Variants in TNNI3K observed in about 807,000 individuals in gnomAD.
TNNI3K encodes serine/threonine-protein kinase TNNI3K.
A neutral mutation model predicts 114.5 loss-of-function variants in TNNI3K; 140 were observed. The observed-to-expected ratio is 1.22, with a 90% CI of 1.07 to 1.41. The LOEUF (loss-of-function observed/expected upper bound fraction) is 1.41, where lower values mean the gene tolerates loss of function less well. Among genes scored for constraint, TNNI3K ranks in the 40% most tolerant of loss-of-function variants. TNNI3K has a pLI of 0.00. For missense variants in TNNI3K, 1,125 were observed against 1,007.6 expected (o/e 1.12, Z -1.58); for synonymous variants, 347 against 347.5 (o/e 1.00, Z 0.02).
At chr1:74,349,270 A>G (rs1004678237) in intron 9 of TNNI3K, among the ~76,000 whole-genome samples, 1 of 152,116 alleles carries the variant, frequency 6.6e-6, no homozygotes, top group Non-Finnish European at 1.5e-5. Flanking sequence ...TTCTGTTTAT[A>G]TGCTGGATTA....
chr1:74,521,657 G>C (rs1646435434), intron 23 of TNNI3K, among the ~76,000 whole-genome samples: 1 of 152,124 alleles, frequency 6.6e-6, no homozygotes, highest in Non-Finnish European at 1.5e-5. Context: ...AGGTCACAGT[G>C]ATCAGCAAGA....
intron 21 of TNNI3K, chr1:74,469,090 T>A (rs1029117982): frequency 6.6e-6 from 1 of 152,390 alleles, no homozygotes; most frequent in African/African-American, 2.4e-5. Flanking sequence ...AAATCTTAAA[T>A]TAATAACAAT....
chr1:74,512,910 C>G (rs1390000433), intron 23 of TNNI3K, among the ~76,000 whole-genome samples: 2 of 152,204 alleles, frequency 1.3e-5, no homozygotes, highest in East Asian at 3.8e-4. Context: ...ATGTGATCAC[C>G]TAAAGCTGGC....
chr1:74,470,571 G>A (rs1667877848), intron 21 of TNNI3K: 1 of 400,696 alleles, frequency 2.5e-6, no homozygotes, highest in Non-Finnish European at 4.4e-6. Flanking sequence ...TAAATGATAG[G>A]TTGTTCTTGG....
At chr1:74,534,219 ACT>A (rs1264895716) in intron 23 of TNNI3K, among the ~76,000 whole-genome samples, 1 of 107,910 alleles carries the variant, frequency 9.3e-6, no homozygotes, top group Non-Finnish European at 1.8e-5. Flanking sequence ...TTTTAATTTC[ACT>A]CTTAACTTTC....
intron 21 of TNNI3K, chr1:74,475,655 A>C (rs1668167831): frequency 2.8e-6 from 2 of 716,928 alleles, no homozygotes; most frequent in Non-Finnish European, 5.2e-6. Flanking sequence ...TGGCAGTTGC[A>C]GTATCCCTTA....
intron 5 of TNNI3K, among the ~76,000 whole-genome samples, chr1:74,307,153 C>A (rs1658692924): frequency 6.6e-6 from 1 of 152,010 alleles, no homozygotes; most frequent in South Asian, 2.1e-4. Flanking sequence ...AATGAAAACA[C>A]AATACTTGCT....
chr1:74,452,832 C>T (rs914021091), intron 20 of TNNI3K, among the ~76,000 whole-genome samples: 5 of 152,188 alleles, frequency 3.3e-5, no homozygotes, highest in African/African-American at 1.2e-4. Flanking sequence ...GTCATCCCAA[C>T]CACAGGAAAC....
intron 5 of TNNI3K, among the ~76,000 whole-genome samples, chr1:74,284,498 G>T (rs1464560058): frequency 1.3e-5 from 2 of 152,078 alleles, no homozygotes; most frequent in African/African-American, 4.8e-5. Flanking sequence ...AATAAATGTG[G>T]TTTTTGCCAT....
intron 6 of TNNI3K, among the ~76,000 whole-genome samples, chr1:74,332,734 G>A (rs767602019): frequency 6.6e-6 from 1 of 152,114 alleles, no homozygotes; most frequent in Non-Finnish European, 1.5e-5. Flanking sequence ...AGCCTATATT[G>A]TTTTGCTGTA....
At chr1:74,389,657 A>G (rs1010454217) in intron 17 of TNNI3K, among the ~76,000 whole-genome samples, 2 of 152,236 alleles carry the variant, frequency 1.3e-5, no homozygotes, top group Non-Finnish European at 2.9e-5. Context: ...ATAAAGGACC[A>G]GGACCATTTT....
intron 2 of TNNI3K, among the ~76,000 whole-genome samples, chr1:74,248,271 G>A (rs1199049544): frequency 3.3e-5 from 5 of 151,598 alleles, no homozygotes; most frequent in South Asian, 4.2e-4. Flanking sequence ...CACAGCCCCA[G>A]TTCCTGCCCA....
At chr1:74,253,616 G>A (rs949396815) in intron 4 of TNNI3K, among the ~76,000 whole-genome samples, 1 of 152,118 alleles carries the variant, frequency 6.6e-6, no homozygotes, top group African/African-American at 2.4e-5. Flanking sequence ...GGAGCCGGCA[G>A]GACTGGCCGG....
chr1:74,460,213 G>A (rs572976416), intron 20 of TNNI3K, among the ~76,000 whole-genome samples: 5 of 152,028 alleles, frequency 3.3e-5, no homozygotes, highest in East Asian at 1.9e-4. Flanking sequence ...GACTACAGGC[G>A]CCAGCCACCA....
chr1:74,368,270 T>C (rs568596455), intron 13 of TNNI3K, among the ~76,000 whole-genome samples: 1 of 151,814 alleles, frequency 6.6e-6, no homozygotes, highest in African/African-American at 2.4e-5. Context: ...TTAAGGAGAA[T>C]TGGGACTAGA....
chr1:74,375,745 A>C, intron 17 of TNNI3K: 1 of 369,152 alleles, frequency 2.7e-6, no homozygotes, highest in Non-Finnish European at 5.6e-6. Flanking sequence ...GTTTTCCTTA[A>C]AACCCCCATC....
chr1:74,397,089 G>A (rs1406834580), intron 17 of TNNI3K, among the ~76,000 whole-genome samples: 1 of 152,152 alleles, frequency 6.6e-6, no homozygotes, highest in African/African-American at 2.4e-5. Flanking sequence ...AGTTGTTGAT[G>A]AAAGCTGCTG....
At chr1:74,296,091 CT>C (rs34181320) in intron 5 of TNNI3K, among the ~76,000 whole-genome samples, 152,080 of 152,082 alleles carry the variant, frequency 1, 76,039 homozygotes, top group Non-Finnish European at 1. Flanking sequence ...CTGGCTAACA[CT>C]GTTGAAACCC....
chr1:74,513,550 T>C (rs895529882), intron 23 of TNNI3K, among the ~76,000 whole-genome samples: 1 of 152,224 alleles, frequency 6.6e-6, no homozygotes, highest in Non-Finnish European at 1.5e-5. Context: ...TCTTCCTTTT[T>C]TTCTCTATGC....
Sources: allele counts gnomAD v4.1 joint callset (sites outside exome capture counted in the v4.1 genomes callset), GRCh38; gene constraint gnomAD v4.1.1; transcripts MANE v1.5; gene names NCBI Gene and HGNC (gene_info 2026-07-23, HGNC 2026-07-21).